Variants in MBD5 observed in about 807,000 individuals in gnomAD.
The protein encoded by MBD5 is methyl-CpG-binding domain protein 5.
Under a neutral mutation model 117.3 loss-of-function variants are expected in MBD5, and 13 were observed. That is an observed-to-expected ratio of 0.11 (90% CI 0.07 to 0.18). The LOEUF (loss-of-function observed/expected upper bound fraction) is 0.18. Ranked by LOEUF, MBD5 falls within the 10% of genes least tolerant of loss-of-function variation. MBD5 has a pLI of 1.00. For missense variants in MBD5, 1,879 were observed against 2,093.8 expected (o/e 0.90, Z 2.00); for synonymous variants, 727 against 766.4 (o/e 0.95, Z 0.85).
chr2:148,439,280 G>C lies in MBD5; in HGVS notation c.-556-18923G>C, dbSNP rs113212372. Among the ~76,000 whole-genome samples the C allele has an allele frequency of 2.9e-3, 449 of 152,244 alleles. 3 individuals carry two copies. Among genetic ancestry groups the C allele is most frequent in the African/African-American group, 0.01 (432 of 41,550 alleles). On this transcript the variant is annotated intron_variant, in intron 4 of 13. Coordinates refer to ENST00000642680, the MANE Select transcript of MBD5 (RefSeq NM_001378120.1). ...ATTCAGGATTAGGGTGTTGAGGATTGTATCTTTTGGGGTTATGATTGGGAC... is the reference window on the plus strand; with the variant it reads ...ATTCAGGATTAGGGTGTTGAGGATTCTATCTTTTGGGGTTATGATTGGGAC...
chr2:148,090,089 A>T (rs1173415545), intron 1 of MBD5, among the ~76,000 whole-genome samples: 1 of 152,136 alleles, frequency 6.6e-6, no homozygotes, highest in Non-Finnish European at 1.5e-5. Flanking sequence ...AATCTGAAGG[A>T]GATGGATAAA....
chr2:148,143,764 C>G (rs796723882), intron 1 of MBD5, among the ~76,000 whole-genome samples: 4 of 152,116 alleles, frequency 2.6e-5, no homozygotes, highest in South Asian at 2.1e-4. Context: ...CATCCAGGTC[C>G]CTACAAAGGA....
At chr2:148,304,943 T>TA (rs1701856411) in intron 3 of MBD5, among the ~76,000 whole-genome samples, 1 of 151,034 alleles carries the variant, frequency 6.6e-6, no homozygotes, top group Non-Finnish European at 1.5e-5. Context: ...CGGGCGCCTG[T>TA]AGTCCCAGCT....
At chr2:148,230,229 C>G (rs572648223) in intron 2 of MBD5, among the ~76,000 whole-genome samples, 18 of 152,302 alleles carry the variant, frequency 1.2e-4, no homozygotes, top group Non-Finnish European at 2.1e-4. Flanking sequence ...ACCTGGTGTT[C>G]TATTGTACTG....
intron 2 of MBD5, among the ~76,000 whole-genome samples, chr2:148,225,891 A>T (rs567242734): frequency 3.3e-5 from 5 of 152,186 alleles, no homozygotes; most frequent in Admixed American, 3.3e-4. Flanking sequence ...TTTATCCTTG[A>T]CCTTTGGGAG....
intron 3 of MBD5, among the ~76,000 whole-genome samples, chr2:148,325,942 G>T (rs375506760): frequency 2.6e-5 from 4 of 151,958 alleles, no homozygotes; most frequent in African/African-American, 9.7e-5. Context: ...TGTCAATTTT[G>T]GATCTTTCCT....
At chr2:148,461,864 C>T (rs1180273548) in intron 5 of MBD5, among the ~76,000 whole-genome samples, 5 of 152,192 alleles carry the variant, frequency 3.3e-5, no homozygotes, top group Non-Finnish European at 7.4e-5. Flanking sequence ...GAAGTACCTA[C>T]ACGATTATTA....
intron 2 of MBD5, among the ~76,000 whole-genome samples, chr2:148,227,629 A>G (rs1009861016): frequency 6.6e-6 from 1 of 152,204 alleles, no homozygotes; most frequent in African/African-American, 2.4e-5. Flanking sequence ...ACTTTAAAGT[A>G]GATTTTTCCA....
At position 148,400,419 on chromosome 2, in the gene MBD5, C is replaced by T. The variant is rs868005373; in HGVS notation, c.-556-57784C>T. 2.6e-5 allele frequency among the ~76,000 whole-genome samples: 4 copies of T among 152,190 alleles called. No individual in the cohort carries two copies. The Middle Eastern group carries it at 0.01, about 388-fold the overall frequency. On this transcript the variant is annotated intron_variant, in intron 4 of 13. Coordinates refer to ENST00000642680, the MANE Select transcript of MBD5 (RefSeq NM_001378120.1). ...TTTTCTCCAACTCTAACTCTATTGC[C>T]ATCCTGGCCCTGGGCTGAAACCCTT...
At chr2:148,374,307 T>C (rs1703937308) in intron 4 of MBD5, among the ~76,000 whole-genome samples, 1 of 151,840 alleles carries the variant, frequency 6.6e-6, no homozygotes, top group African/African-American at 2.4e-5. Context: ...ATTTTCTTAC[T>C]ACAAAGTCAG....
intron 4 of MBD5, among the ~76,000 whole-genome samples, chr2:148,386,469 A>T (rs1015310916): frequency 5.9e-5 from 9 of 152,134 alleles, no homozygotes; most frequent in Non-Finnish European, 1.5e-5. Context: ...CTGTAATCCC[A>T]GCACTTTGGG....
chr2:148,454,482 T>A (rs140349882), intron 4 of MBD5, among the ~76,000 whole-genome samples: 1 of 152,328 alleles, frequency 6.6e-6, no homozygotes, highest in East Asian at 1.9e-4. Context: ...TGCAGAATTA[T>A]ATGTAGTATA....
intron 2 of MBD5, among the ~76,000 whole-genome samples, chr2:148,202,105 C>T (rs1699159738): frequency 6.6e-6 from 1 of 152,196 alleles, no homozygotes; most frequent in African/African-American, 2.4e-5. Context: ...GCCACTATCA[C>T]TAGGAGCTGG....
intron 4 of MBD5, among the ~76,000 whole-genome samples, chr2:148,417,730 A>G (rs555397617): frequency 1.3e-5 from 2 of 151,230 alleles, no homozygotes. Context: ...TATTTTTTTC[A>G]TATGTTTTTT....
intron 12 of MBD5, among the ~76,000 whole-genome samples, chr2:148,503,907 T>A (rs2105234893): frequency 6.6e-6 from 1 of 152,366 alleles, no homozygotes; most frequent in East Asian, 1.9e-4. Flanking sequence ...AGTACCCATT[T>A]CTTTGGTGTA....
intron 1 of MBD5, among the ~76,000 whole-genome samples, chr2:148,084,852 T>G (rs1199563814): frequency 6.6e-6 from 1 of 152,200 alleles, no homozygotes; most frequent in Non-Finnish European, 1.5e-5. Flanking sequence ...TCCCTAACTC[T>G]GTACCTCTGG....
At chr2:148,340,665 GTTTC>G (rs1210568486) in intron 3 of MBD5, among the ~76,000 whole-genome samples, 1 of 152,030 alleles carries the variant, frequency 6.6e-6, no homozygotes, top group Non-Finnish European at 1.5e-5. Context: ...ATAAAATCAA[GTTTC>G]TGCCTTTTGA....
At chr2:148,352,590 T>G (rs1169961887) in intron 4 of MBD5, among the ~76,000 whole-genome samples, 1 of 152,068 alleles carries the variant, frequency 6.6e-6, no homozygotes, top group East Asian at 1.9e-4. Context: ...TAATGTCATT[T>G]GAAAAAATAT....
rs73017191 is a variant in MBD5 at position 148,431,905 on chromosome 2, T to G, written c.-556-26298T>G. On this transcript the variant is annotated intron_variant, in intron 4 of 13. Coordinates refer to ENST00000642680, the MANE Select transcript of MBD5 (RefSeq NM_001378120.1). ...ATTTCTTTGGTTGTATACCCCAAAA[T>G]GGAATTGCTGGGTGGAATGGTAATT... 5.5e-3 allele frequency among the ~76,000 whole-genome samples: 844 copies of G among 152,316 alleles called. 8 individuals are homozygous for G. The highest frequency in any genetic ancestry group is 0.02 in the African/African-American group (817 of 41,570).
Sources: allele counts gnomAD v4.1 joint callset (sites outside exome capture counted in the v4.1 genomes callset), GRCh38; gene constraint gnomAD v4.1.1; transcripts MANE v1.5; gene names NCBI Gene and HGNC (gene_info 2026-07-23, HGNC 2026-07-21).